Variants in CAPZB observed in about 807,000 individuals in gnomAD.
CAPZB encodes capping actin protein of muscle Z-line subunit beta.
Under a neutral mutation model 38.1 loss-of-function variants are expected in CAPZB, and 2 were observed. That is an observed-to-expected ratio of 0.05 (90% confidence interval 0.02 to 0.17). The LOEUF (loss-of-function observed/expected upper bound fraction) is 0.17, where lower values mean the gene tolerates loss of function less well. Ranked by LOEUF, CAPZB falls within the 10% of genes least tolerant of loss-of-function variation. The pLI, the probability that CAPZB is intolerant of heterozygous loss-of-function variation, is 1.00. For synonymous variants in CAPZB, 107 were observed against 127.4 expected (o/e 0.84, Z 1.08); for missense variants, 161 against 334.2 (o/e 0.48, Z 4.04).
chr1:19,389,137 C>T (rs1357705605), intron 2 of CAPZB, among the ~76,000 whole-genome samples: 2 of 152,118 alleles, frequency 1.3e-5, no homozygotes, highest in Non-Finnish European at 2.9e-5. Context: ...CATGGTGTGC[C>T]CACAGACTTG....
At chr1:19,449,898 T>C (rs2094508991) in intron 1 of CAPZB, among the ~76,000 whole-genome samples, 1 of 151,320 alleles carries the variant, frequency 6.6e-6, no homozygotes, top group Non-Finnish European at 1.5e-5. Context: ...CCCAGCACTT[T>C]GAGGGGCTGA....
At chr1:19,460,450 G>GT (rs1185836428) in intron 1 of CAPZB, among the ~76,000 whole-genome samples, 1 of 151,484 alleles carries the variant, frequency 6.6e-6, no homozygotes, top group Admixed American at 6.6e-5. Context: ...CTAATTTTTT[G>GT]TATTTTTAGT....
intron 1 of CAPZB, among the ~76,000 whole-genome samples, chr1:19,469,861 C>A (rs2094581173): frequency 1.3e-5 from 2 of 151,688 alleles, no homozygotes; most frequent in South Asian, 4.2e-4. Context: ...CCACAAGCAC[C>A]CAGGTCGGGG....
At chr1:19,481,025 G>C (rs1384413051) in intron 1 of CAPZB, among the ~76,000 whole-genome samples, 1 of 152,220 alleles carries the variant, frequency 6.6e-6, no homozygotes, top group Non-Finnish European at 1.5e-5. Context: ...GCACTTGACA[G>C]ATATTACTTA....
At chr1:19,474,972 G>T (rs1239978716) in intron 1 of CAPZB, among the ~76,000 whole-genome samples, 1 of 152,176 alleles carries the variant, frequency 6.6e-6, no homozygotes, top group Admixed American at 6.5e-5. Context: ...GAACTGACAA[G>T]GACCTGCAGG....
In CAPZB at chr1:19,356,552, C is replaced by T. The variant is rs946442740; in HGVS notation, c.588+83G>A. On this transcript the variant is annotated intron_variant, in intron 6 of 8. Transcript: ENST00000264202. This position sits in a 1 kb window ranked among gnomAD's most constrained non-coding sequence, Gnocchi z 4.3. ...CTGAACATGCTTACCCTAAATGGGG[C>T]ACCTGCTCACTCATCTCTGCAGGTC... The T allele has an allele frequency of 6.9e-6, 6 of 863,898 alleles. No homozygotes were observed. The highest frequency in any genetic ancestry group is 1.2e-5 in the Non-Finnish European group (6 of 496,668). The allele number at this position is 863,898 out of a possible 1,614,324, so 53.5% of individuals were successfully genotyped here.
intron 2 of CAPZB, among the ~76,000 whole-genome samples, chr1:19,397,408 G>GT (rs2094277392): frequency 6.6e-6 from 1 of 152,206 alleles, no homozygotes; most frequent in Non-Finnish European, 1.5e-5. Context: ...GGCACAGGTA[G>GT]GTTAAGCAAC....
chr1:19,390,164 C>T (rs191986926), intron 2 of CAPZB, among the ~76,000 whole-genome samples: 7 of 152,322 alleles, frequency 4.6e-5, no homozygotes, highest in African/African-American at 1.2e-4. Flanking sequence ...ATCTGAACCC[C>T]GGCCCCCGCC....
chr1:19,431,878 A>T (rs2094442952), intron 1 of CAPZB, among the ~76,000 whole-genome samples: 1 of 151,538 alleles, frequency 6.6e-6, no homozygotes, highest in Non-Finnish European at 1.5e-5. Flanking sequence ...GTAGTTCAAG[A>T]CCAGCCTGGG....
intron 4 of CAPZB, among the ~76,000 whole-genome samples, chr1:19,370,441 C>T (rs2100383898): frequency 6.6e-6 from 1 of 152,334 alleles, no homozygotes; most frequent in South Asian, 2.1e-4. Flanking sequence ...TTTCAACGTC[C>T]TGCTCCATGA....
intron 3 of CAPZB, among the ~76,000 whole-genome samples, chr1:19,382,750 C>A (rs1407605715): frequency 1.3e-5 from 2 of 152,160 alleles, no homozygotes; most frequent in Non-Finnish European, 2.9e-5. Context: ...CGTCCTTCCA[C>A]CAGCTCCTGC....
chr1:19,464,922 G>A (rs541377551), intron 1 of CAPZB, among the ~76,000 whole-genome samples: 2 of 152,316 alleles, frequency 1.3e-5, no homozygotes, highest in East Asian at 3.9e-4. Flanking sequence ...AAAGGGGCAT[G>A]AAGGGACTTT....
intron 4 of CAPZB, among the ~76,000 whole-genome samples, chr1:19,366,287 T>A (rs1161811754): frequency 0.061 from 3,552 of 58,452 alleles, 142 homozygotes; most frequent in South Asian, 0.14. Context: ...TCTTAAAATA[T>A]ATATATATAT....
At chr1:19,396,328 G>A (rs548736648) in intron 2 of CAPZB, among the ~76,000 whole-genome samples, 2 of 152,268 alleles carry the variant, frequency 1.3e-5, no homozygotes, top group Admixed American at 6.5e-5. Flanking sequence ...CTGCCTTGGT[G>A]GGAAGCAAGT....
chr1:19,482,094 C>T (rs758025554), intron 1 of CAPZB, among the ~76,000 whole-genome samples: 4 of 152,238 alleles, frequency 2.6e-5, no homozygotes, highest in Non-Finnish European at 5.9e-5. Flanking sequence ...GGCACCTGCC[C>T]TGCCACCATT....
At chr1:19,451,401 T>C (rs529443408) in intron 1 of CAPZB, among the ~76,000 whole-genome samples, 4 of 152,280 alleles carry the variant, frequency 2.6e-5, no homozygotes, top group South Asian at 4.2e-4. Context: ...AGAGTGGAAA[T>C]GGACAATCCC....
At chr1:19,341,635 A>G (rs1411083449) in intron 8 of CAPZB, among the ~76,000 whole-genome samples, 1 of 152,220 alleles carries the variant, frequency 6.6e-6, no homozygotes, top group African/African-American at 2.4e-5. Flanking sequence ...CCTGGCTGCC[A>G]GGGTTTCTAC....
intron 1 of CAPZB, among the ~76,000 whole-genome samples, chr1:19,440,878 G>A (rs1448453105): frequency 6.6e-6 from 1 of 152,168 alleles, no homozygotes; most frequent in Admixed American, 6.5e-5. Context: ...GGCTAACATG[G>A]TGAAACCCCG....
chr1:19,345,103 AAGG>A, intron 7 of CAPZB, 81 bp downstream of exon 7: 1 of 1,022,256 alleles, frequency 9.8e-7, no homozygotes, highest in Non-Finnish European at 1.5e-6. Flanking sequence ...AGCAGCAGAG[AAGG>A]AGGCCAGCAC....
Sources: gnomAD v4.1 joint callset for allele counts (sites outside exome capture counted in the v4.1 genomes callset) on GRCh38, gnomAD v4.1.1 for gene constraint, Gnocchi (gnomAD v3.1) non-coding constraint, MANE v1.5 for transcripts, NCBI Gene and HGNC (gene_info 2026-07-23, HGNC 2026-07-21) for gene names.